Variants in TCEA2 observed in about 807,000 individuals in gnomAD.
TCEA2 encodes transcription elongation factor A2.
Under a neutral mutation model 40.8 loss-of-function variants are expected in TCEA2, and 21 were observed. The observed-to-expected ratio is 0.51, with a 90% confidence interval of 0.36 to 0.74. The LOEUF (loss-of-function observed/expected upper bound fraction) is 0.74, where lower values mean the gene tolerates loss of function less well. Ranked by LOEUF, TCEA2 falls within the 30% of genes least tolerant of loss-of-function variation. TCEA2 has a pLI of 0.00. For missense variants in TCEA2, 326 were observed against 426.5 expected (o/e 0.76, Z 2.08); for synonymous variants, 165 against 162.7 (o/e 1.01, Z -0.11).
chr20:64,061,346 G>A (rs2059561923), upstream of TCEA2, among the ~76,000 whole-genome samples: 2 of 151,272 alleles, frequency 1.3e-5, no homozygotes, highest in Admixed American at 1.3e-4. Context: ...CATGATCGCC[G>A]CTCACTGCAA....
intron 1 of TCEA2, among the ~76,000 whole-genome samples, chr20:64,065,317 G>A (rs1159980534): frequency 2.0e-5 from 3 of 152,208 alleles, no homozygotes; most frequent in Non-Finnish European, 2.9e-5. Flanking sequence ...TATGCCACCC[G>A]GATTGCTGGG....
Position 64,069,302 on chromosome 20 carries a change from G to A in TCEA2, c.330-59G>A, listed in dbSNP as rs1396096640. 1.3e-5 allele frequency: 19 copies of A among 1,511,454 alleles called. No homozygotes were observed. In the East Asian group the frequency reaches 3.5e-4, roughly 27 times the overall value. The allele number at this position is 1,511,454 out of a possible 1,614,324, so 93.6% of individuals were successfully genotyped here. On this transcript the variant is annotated intron_variant, in intron 4 of 9. Coordinates refer to ENST00000343484, the MANE Select transcript of TCEA2 (RefSeq NM_003195.6). ...GGCACCTGCTGCTTCTAGGACCAGTGTCTCGCTGGGGTGCCTGCAGCCTTG... is the reference window on the plus strand; with the variant it reads ...GGCACCTGCTGCTTCTAGGACCAGTATCTCGCTGGGGTGCCTGCAGCCTTG...
chr20:64,057,573 G>T, exon 1 of TCEA2: 1 of 152,488 alleles, frequency 6.6e-6, no homozygotes, highest in Non-Finnish European at 1.5e-5. Flanking sequence ...GCCTCTGGGT[G>T]CAAATTCTGA....
At chr20:64,065,894 C>G (rs546310909) in intron 1 of TCEA2, 1 of 153,002 alleles carries the variant, frequency 6.5e-6, no homozygotes, top group African/African-American at 2.4e-5. Flanking sequence ...AGTTTGGCCT[C>G]AGCTCGGGAC....
At chr20:64,061,118 T>TTTC (rs1237003446), upstream of TCEA2, among the ~76,000 whole-genome samples, 1 of 145,476 alleles carries the variant, frequency 6.9e-6, no homozygotes, top group Non-Finnish European at 1.5e-5. Context: ...TTTTTTTTTT[T>TTTC]TGGAGACAGT....
At position 64,068,104 on chromosome 20, in the gene TCEA2, C is replaced by G. The variant is rs1476778458; in HGVS notation, c.299C>G (p.Ser100Trp). The G allele has an allele frequency of 1.9e-6, 3 of 1,609,640 alleles. No individual in the cohort carries two copies. Among genetic ancestry groups the G allele is most frequent in the Non-Finnish European group, 2.5e-6 (3 of 1,178,388 alleles). ...RGRGMPLPTS[S>W]RDASEAPDPS... ...AGGGGCATGCCTCTGCCCACGTCCT[C>G]GAGGGATGCCTCAGAGGCCCCGGAT... The change falls in exon 4 of 10, where the codon TCG (serine) becomes TGG (tryptophan). Residue 100 changes from serine (S) to tryptophan (W), a missense_variant. Physicochemically the swap from Ser to Trp is radical, Grantham distance 177. Transcript: ENST00000343484.
upstream of TCEA2, among the ~76,000 whole-genome samples, chr20:64,059,823 G>A (rs762187302): frequency 5.9e-5 from 9 of 152,128 alleles, no homozygotes; most frequent in Admixed American, 1.3e-4. Context: ...TGGTTGGGCC[G>A]GCCTGGGGAG....
At chr20:64,069,118 G>C (rs1364606117) in intron 4 of TCEA2, among the ~76,000 whole-genome samples, 1 of 152,260 alleles carries the variant, frequency 6.6e-6, no homozygotes, top group Non-Finnish European at 1.5e-5. Context: ...CACCTGGAGA[G>C]TACACCCTGA....
At chr20:64,071,360 AAAG>A (rs2059829756) in intron 8 of TCEA2, among the ~76,000 whole-genome samples, 1 of 151,686 alleles carries the variant, frequency 6.6e-6, no homozygotes, top group Non-Finnish European at 1.5e-5. Context: ...AAAAAAAAAA[AAAG>A]AGGGGAGTGT....
upstream of TCEA2, chr20:64,062,998 G>T (rs1483413859): frequency 5.0e-6 from 1 of 199,260 alleles, no homozygotes; most frequent in East Asian, 1.3e-4. Context: ...TCCCTCGCGG[G>T]GTATTGTGGG....
chr20:64,063,388 A>G lies in TCEA2; in HGVS notation c.72+4A>G. On this transcript the variant is annotated splice_donor_region_variant and intron_variant, in intron 1 of 9. Coordinates refer to ENST00000343484, the MANE Select transcript of TCEA2 (RefSeq NM_003195.6). ...GATGGTGACCAAGAAGAGCGCGGTG[A>G]GGGGCGCGGGCCGCCAGGACCCCGG... 1 of 1,544,944 alleles carries G rather than the reference A, an allele frequency of 6.5e-7. No homozygotes were observed.
intron 5 of TCEA2, 91 bp downstream of exon 5, chr20:64,069,582 G>A (rs2059778141): frequency 1.3e-6 from 2 of 1,560,324 alleles, no homozygotes; most frequent in Non-Finnish European, 1.7e-6. Flanking sequence ...GCTTCCAGCG[G>A]GGTGACTGTC....
intron 6 of TCEA2, chr20:64,070,049 A>G (rs547536503): frequency 2.3e-6 from 2 of 882,514 alleles, no homozygotes; most frequent in African/African-American, 3.3e-5. Context: ...CTGGGGCTGT[A>G]GCCTGAAGCT....
In TCEA2 at chr20:64,072,238, C is replaced by T. The variant is rs1450977134; in HGVS notation, c.*58C>T. On this transcript the variant is annotated 3_prime_UTR_variant, in exon 10 of 10. Coordinates refer to ENST00000343484, the MANE Select transcript of TCEA2 (RefSeq NM_003195.6). Reference sequence around the variant, plus strand: ...CTCCCCGGCCCACGTCCTCCGTTGACACAGCTTCTCTGGAGACCCTAGAAG... The same window carrying T: ...CTCCCCGGCCCACGTCCTCCGTTGATACAGCTTCTCTGGAGACCCTAGAAG... The T allele has an allele frequency of 1.3e-6, 2 of 1,585,776 alleles. No individual in the cohort carries two copies. The highest frequency in any genetic ancestry group is 2.7e-5 in the African/African-American group (2 of 74,198).
At chr20:64,061,744 T>G (rs1388117418), upstream of TCEA2, among the ~76,000 whole-genome samples, 1 of 152,104 alleles carries the variant, frequency 6.6e-6, no homozygotes, top group African/African-American at 2.4e-5. Flanking sequence ...TTTTTTCTTT[T>G]GAGACGGAGT....
chr20:64,067,056 A>C (rs2059712163), intron 3 of TCEA2, 36 bp downstream of exon 3: 1 of 1,574,672 alleles, frequency 6.4e-7, no homozygotes, highest in African/African-American at 1.4e-5. Context: ...GTGCTGGGGC[A>C]GGGGTCCCAG....
Position 64,069,475 on chromosome 20 carries a change from T to C in TCEA2, c.444T>C (p.Ala148=). The C allele has an allele frequency of 6.2e-7, 1 of 1,613,160 alleles. No homozygotes were observed. Among genetic ancestry groups the C allele is most frequent in the Non-Finnish European group, 8.5e-7 (1 of 1,179,888 alleles). The change falls in exon 5 of 10, where the codon GCT becomes GCC. Residue 148 remains alanine, a synonymous_variant. Transcript: ENST00000343484. ...ACAAGTGCCGCGAGATGCTGACCGC[T>C]GCCCTGCAGACGGACCGTGAGTGCG... ...VRNKCREMLT[A]ALQTDHDHVA...
intron 1 of TCEA2, chr20:64,063,789 G>C (rs539334422): frequency 1.0e-5 from 2 of 193,322 alleles, no homozygotes; most frequent in East Asian, 2.7e-4. Context: ...CCTCCTCTGC[G>C]GGCCGCGCCA....
chr20:64,066,949 G>C lies in TCEA2; in HGVS notation c.170G>C (p.Arg57Pro). Residue 57 changes from arginine to proline, a missense_variant, in exon 3 of 10, where the codon CGG becomes CCG. By Grantham distance (103) the Arg-to-Pro change is moderately radical. Coordinates refer to ENST00000343484, the MANE Select transcript of TCEA2 (RefSeq NM_003195.6). The stretch of plus-strand genomic sequence containing the variant: ...GTCGGGATGTCTGTCAACGCCCTTC[G>C]GAAGCAGAGCTCGGATGAGGAGGTC... ...TRVGMSVNALRKQSSDEEVIA... is the reference protein window; with the variant it reads ...TRVGMSVNALPKQSSDEEVIA... The C allele has an allele frequency of 6.2e-7, 1 of 1,614,004 alleles. No individual in the cohort carries two copies. Among genetic ancestry groups the C allele is most frequent in the Non-Finnish European group, 8.5e-7 (1 of 1,179,966 alleles).
Sources: allele counts gnomAD v4.1 joint callset (sites outside exome capture counted in the v4.1 genomes callset), GRCh38; gene constraint gnomAD v4.1.1; transcripts MANE v1.5; gene names NCBI Gene and HGNC (gene_info 2026-07-23, HGNC 2026-07-21).